The following CX3CR1 variants were observed in gnomAD, a reference collection of about 807,000 sequenced individuals.
The protein encoded by CX3CR1 is CX3C chemokine receptor 1.
For synonymous variants in CX3CR1, 168 were observed against 178.5 expected (o/e 0.94, Z 0.47); for missense variants, 363 against 432.4 (o/e 0.84, Z 1.42).
At chr3:39,278,923 G>A (rs1472889908) in intron 1 of CX3CR1, among the ~76,000 whole-genome samples, 1 of 151,892 alleles carries the variant, frequency 6.6e-6, no homozygotes, top group Non-Finnish European at 1.5e-5. Flanking sequence ...CCTCACAATG[G>A]TTATAACAAC....
chr3:39,286,421 C>A (rs1281570965), upstream of CX3CR1: 2 of 151,884 alleles, frequency 1.3e-5, no homozygotes, highest in Non-Finnish European at 2.9e-5. Flanking sequence ...GAGGCCGAGG[C>A]GGGTGGATCA....
rs1045300821 is a variant in CX3CR1 at position 39,278,384 on chromosome 3, A to T, written c.-10+1570T>A. ...CCTAGCCTTCCTGAGCCCATTTCTC[A>T]TTCCCAGGGGTTTTGAACCCCAATC... is the stretch of plus-strand genomic sequence containing the variant. On this transcript the variant is annotated intron_variant, in intron 1 of 1. Coordinates refer to ENST00000399220, the MANE Select transcript of CX3CR1 (RefSeq NM_001337.4). Among the ~76,000 whole-genome samples the T allele has an allele frequency of 2.6e-5, 4 of 152,124 alleles. 1 individual carries two copies. The South Asian group carries it at 8.3e-4, about 32-fold the overall frequency.
chr3:39,271,917 CT>C (rs2040782760), intron 1 of CX3CR1, among the ~76,000 whole-genome samples: 1 of 152,198 alleles, frequency 6.6e-6, no homozygotes, highest in Non-Finnish European at 1.5e-5. Context: ...AAGATAGGGC[CT>C]CCTGGCAGCA....
upstream of CX3CR1, among the ~76,000 whole-genome samples, chr3:39,285,668 T>C (rs987021385): frequency 1.3e-5 from 2 of 152,080 alleles, no homozygotes; most frequent in African/African-American, 4.8e-5. Flanking sequence ...AGACAGTATA[T>C]GTCATTTTTT....
chr3:39,263,554 T>A lies in CX3CR1; in HGVS notation c.*1888A>T, dbSNP rs2040650276. 1 of 152,244 alleles carries A rather than the reference T, an allele frequency of 6.6e-6. No homozygotes were observed. Among genetic ancestry groups the A allele is most frequent in the African/African-American group, 2.4e-5 (1 of 41,456 alleles). 9.4% of individuals were successfully genotyped at this position (152,244 alleles called of 1,614,324 possible). A position where few individuals can be genotyped will look rare whatever the true frequency, so the allele number is the denominator to read the frequency against. On this transcript the variant is annotated 3_prime_UTR_variant, in exon 2 of 2. Transcript: ENST00000399220. ...GGAAACAAGTTAAATGTTTATCAAT[T>A]GAGTAATGGCAAGTAAATTGGGGTA...
intron 1 of CX3CR1, among the ~76,000 whole-genome samples, chr3:39,268,987 A>T (rs1216438936): frequency 6.6e-6 from 1 of 152,116 alleles, no homozygotes; most frequent in Non-Finnish European, 1.5e-5. Flanking sequence ...TATCCTGGGA[A>T]TTTGGTCTTT....
the CX3CR1 span, among the ~76,000 whole-genome samples, chr3:39,289,483 C>T: frequency 6.6e-6 from 1 of 152,168 alleles, no homozygotes; most frequent in Non-Finnish European, 1.5e-5. Context: ...ACTCATTGCA[C>T]TGTTTCTGGT....
rs779021239 is a variant in CX3CR1 at position 39,266,249 on chromosome 3, C to A, written c.261G>T (p.Trp87Cys). Residue 87 changes from tryptophan to cysteine, a missense_variant, in exon 2 of 2, where the codon TGG (tryptophan) becomes TGT (cysteine). Trp to Cys is a radical substitution (Grantham distance 215). Transcript: ENST00000399220. ...DLLFVATLPF[W>C]THYLINEKGL... Reference sequence around the variant, plus strand: ...CCTTTTCATTTATCAAATAGTGAGTCCAGAAGGGCAAAGTGGCTACAAACA... The same window carrying A: ...CCTTTTCATTTATCAAATAGTGAGTACAGAAGGGCAAAGTGGCTACAAACA... 4 of 1,614,144 alleles carry A rather than the reference C, an allele frequency of 2.5e-6. 2 individuals are homozygous for A. The South Asian group carries it at 4.4e-5, about 18-fold the overall frequency.
chr3:39,283,798 T>TAC (rs1436730502), upstream of CX3CR1, among the ~76,000 whole-genome samples: 2 of 28,738 alleles, frequency 7.0e-5, no homozygotes, highest in East Asian at 1.4e-3. Context: ...AAAAAAATTA[T>TAC]ATATATATAT....
upstream of CX3CR1, chr3:39,281,146 G>A (rs1575212360): frequency 2.0e-6 from 2 of 1,011,246 alleles, no homozygotes; most frequent in South Asian, 7.8e-5. Flanking sequence ...GGGCTGCAGT[G>A]CAGTGCTGCG....
At chr3:39,272,350 T>G (rs1473254417) in intron 1 of CX3CR1, among the ~76,000 whole-genome samples, 2 of 152,238 alleles carry the variant, frequency 1.3e-5, no homozygotes, top group African/African-American at 4.8e-5. Flanking sequence ...CACACCCAAG[T>G]AGAAATTTGT....
At chr3:39,282,166 G>T (rs1289353558), upstream of CX3CR1, among the ~76,000 whole-genome samples, 1 of 152,216 alleles carries the variant, frequency 6.6e-6, no homozygotes, top group African/African-American at 2.4e-5. Context: ...CAAGTGAAGA[G>T]CATTAGTGCT....
chr3:39,284,696 T>C (rs1433380132), upstream of CX3CR1, among the ~76,000 whole-genome samples: 3 of 152,212 alleles, frequency 2.0e-5, no homozygotes, highest in Admixed American at 2.0e-4. Flanking sequence ...TTTCACTTTC[T>C]AGTCAGGTAT....
At chr3:39,291,717 T>G in the CX3CR1 span, among the ~76,000 whole-genome samples, 2 of 152,210 alleles carry the variant, frequency 1.3e-5, no homozygotes, top group Non-Finnish European at 2.9e-5. Context: ...GAGTGATTAT[T>G]TCCAACTCTT....
upstream of CX3CR1, among the ~76,000 whole-genome samples, chr3:39,284,367 G>T (rs1252833160): frequency 3.3e-5 from 5 of 152,218 alleles, no homozygotes; most frequent in South Asian, 1.0e-3. Flanking sequence ...TCACCACGTT[G>T]GCCAGGCTGG....
At chr3:39,275,518 T>C (rs2040830381) in intron 1 of CX3CR1, among the ~76,000 whole-genome samples, 1 of 152,224 alleles carries the variant, frequency 6.6e-6, no homozygotes, top group African/African-American at 2.4e-5. Flanking sequence ...ACCTCTTACT[T>C]GAGGAACAGT....
intron 1 of CX3CR1, among the ~76,000 whole-genome samples, chr3:39,277,692 C>G (rs1431935359): frequency 2.6e-5 from 4 of 152,138 alleles, no homozygotes; most frequent in African/African-American, 9.7e-5. Flanking sequence ...CCATAGCTGC[C>G]TAGGGCCGGG....
chr3:39,283,833 ATATATATAAT>A (rs1374923908), upstream of CX3CR1, among the ~76,000 whole-genome samples: 5 of 127,264 alleles, frequency 3.9e-5, no homozygotes, highest in African/African-American at 1.1e-4. Flanking sequence ...ATATATATAT[ATATATATAAT>A]GTGGTTAATA....
At chr3:39,289,934 AT>A in the CX3CR1 span, among the ~76,000 whole-genome samples, 1 of 152,196 alleles carries the variant, frequency 6.6e-6, no homozygotes, top group Non-Finnish European at 1.5e-5. Context: ...TGAGAAATAA[AT>A]TTCTATTGTT....
Sources: gnomAD v4.1 joint callset for allele counts (sites outside exome capture counted in the v4.1 genomes callset) on GRCh38, gnomAD v4.1.1 for gene constraint, MANE v1.5 for transcripts, NCBI Gene and HGNC (gene_info 2026-07-23, HGNC 2026-07-21) for gene names.